The following GPR107 variants were observed in gnomAD, a reference collection of about 807,000 sequenced individuals.
The protein encoded by GPR107 is G protein-coupled receptor 107, also known as protein GPR107.
GPR107 carries 31 observed loss-of-function variants against 75.5 expected under a neutral mutation model. The ratio of observed to expected loss-of-function variants is 0.41; its 90% CI spans 0.31 to 0.55. The LOEUF is 0.55. Among genes scored for constraint, GPR107 ranks in the 20% least tolerant of loss-of-function variants. The pLI is 0.26. For synonymous variants in GPR107, 267 were observed against 251.3 expected (o/e 1.06, Z -0.59); for missense variants, 572 against 665.7 (o/e 0.86, Z 1.55).
intron 7 of GPR107, among the ~76,000 whole-genome samples, 187 bp from the exon 8 acceptor site, chr9:130,090,689 A>G (rs1166488610): frequency 6.6e-6 from 1 of 152,244 alleles, no homozygotes; most frequent in African/African-American, 2.4e-5. Context: ...GAGAGTCGAT[A>G]ATTTAAGCAG....
chr9:130,113,761 A>G (rs1329313240), intron 14 of GPR107, among the ~76,000 whole-genome samples: 3 of 152,164 alleles, frequency 2.0e-5, no homozygotes, highest in Non-Finnish European at 4.4e-5. Context: ...AAGAGTGTGG[A>G]AAGTTCATTG....
chr9:130,121,724 T>C (rs1013825676), intron 14 of GPR107, among the ~76,000 whole-genome samples: 1 of 152,182 alleles, frequency 6.6e-6, no homozygotes, highest in South Asian at 2.1e-4. Context: ...TCCTTTTCCC[T>C]GGTCTGGCTT....
intron 17 of GPR107, among the ~76,000 whole-genome samples, chr9:130,131,911 C>G (rs1260474127): frequency 3.9e-5 from 6 of 152,226 alleles, no homozygotes; most frequent in Non-Finnish European, 7.4e-5. Flanking sequence ...GACAGGGTCT[C>G]ACTCTGTCAC....
At position 130,114,029 on chromosome 9, in the gene GPR107, CTTTTTTT is replaced by C. The variant is rs60616601; in HGVS notation, c.1306+6504_1306+6510del. Among the ~76,000 whole-genome samples the C allele has an allele frequency of 3.3e-5, 3 of 90,660 alleles. 1 individual carries two copies. The highest frequency in any genetic ancestry group is 6.1e-5 in the Non-Finnish European group (3 of 49,110). 59.5% of individuals were successfully genotyped at this position (90,660 alleles called of 152,430 possible). On this transcript the variant is annotated intron_variant, in intron 14 of 17. Transcript: ENST00000347136. ...CAAAAATAATTCTGGTCTTCTCATT[CTTTTTTT>C]TTTTTTTTTTTTTCATTTTTTTTTT...
At chr9:130,086,337 T>C (rs751482072) in intron 6 of GPR107, 83 bp from the exon 7 acceptor site, 20 of 755,422 alleles carry the variant, frequency 2.6e-5, no homozygotes, top group Non-Finnish European at 4.2e-5. Flanking sequence ...AAGAAACATG[T>C]TTTGTTTTGT....
At chr9:130,099,868 CTTTTTTTTTTTTT>C (rs71387314) in intron 10 of GPR107, among the ~76,000 whole-genome samples, 19 of 89,972 alleles carry the variant, frequency 2.1e-4, no homozygotes, top group African/African-American at 6.5e-4. Flanking sequence ...GTTTCCACGA[CTTTTTTTTTTTTT>C]TTTTTTTTTT....
chr9:130,115,628 G>C (rs1831405822), intron 14 of GPR107, among the ~76,000 whole-genome samples: 1 of 151,950 alleles, frequency 6.6e-6, no homozygotes, highest in Non-Finnish European at 1.5e-5. Context: ...TAGCTGGCGT[G>C]GTGGTGGGTG....
chr9:130,053,932 C>G lies in GPR107; in HGVS notation c.-1C>G, dbSNP rs1303164044. The G allele has an allele frequency of 1.3e-6, 2 of 1,557,818 alleles. No individual in the cohort carries two copies. Among genetic ancestry groups the G allele is most frequent in the Non-Finnish European group, 8.7e-7 (1 of 1,152,636 alleles). On this transcript the variant is annotated 5_prime_UTR_variant, in exon 1 of 18. Transcript: ENST00000347136. ...AAGCGGCTGGTGATGCTGGAACAAA[C>G]ATGGCCGCTCTGGCGCCCGTCGGCT...
At chr9:130,116,858 G>A (rs544987254) in intron 14 of GPR107, among the ~76,000 whole-genome samples, 18 of 151,920 alleles carry the variant, frequency 1.2e-4, no homozygotes, top group Non-Finnish European at 1.8e-4. Context: ...ATATAATTTC[G>A]TTTACAATAA....
chr9:130,114,458 T>C (rs1055802223), intron 14 of GPR107: 4 of 267,068 alleles, frequency 1.5e-5, no homozygotes, highest in Non-Finnish European at 7.6e-6. Context: ...TCATAGTTCA[T>C]TGTAACCTCA....
intron 11 of GPR107, 57 bp downstream of exon 11, chr9:130,100,759 G>A (rs973538295): frequency 1.6e-5 from 21 of 1,277,558 alleles, no homozygotes; most frequent in Non-Finnish European, 2.4e-5. Context: ...GACAAGGGGG[G>A]TGGGCAACAA....
chr9:130,057,968 A>G (rs1829834561), intron 1 of GPR107, among the ~76,000 whole-genome samples: 1 of 151,990 alleles, frequency 6.6e-6, no homozygotes, highest in South Asian at 2.1e-4. Flanking sequence ...AGCTGGGATT[A>G]TAGGCATGCG....
intron 14 of GPR107, among the ~76,000 whole-genome samples, chr9:130,113,361 T>G (rs1428118241): frequency 6.6e-6 from 1 of 150,850 alleles, no homozygotes; most frequent in Non-Finnish European, 1.5e-5. Flanking sequence ...GCCTCCTGAG[T>G]AGGTGGGACT....
intron 17 of GPR107, chr9:130,129,762 G>A (rs2132656708): frequency 6.6e-6 from 1 of 152,386 alleles, no homozygotes; most frequent in East Asian, 1.9e-4. Context: ...GCAGCATCAG[G>A]AAATAACCTA....
intron 11 of GPR107, 67 bp from the exon 12 acceptor site, chr9:130,101,039 T>C (rs1259774097): frequency 1.2e-5 from 11 of 904,362 alleles, no homozygotes; most frequent in Non-Finnish European, 1.8e-6. Context: ...GAATGAGCTA[T>C]GCAATCTAAC....
intron 5 of GPR107, 40 bp downstream of exon 5, chr9:130,079,809 C>T (rs887830776): frequency 2.1e-6 from 3 of 1,411,212 alleles, no homozygotes; most frequent in Non-Finnish European, 2.9e-6. Flanking sequence ...GTTTTCACTA[C>T]CTGCTTTGTA....
At chr9:130,070,110 C>T (rs1329592947) in intron 1 of GPR107, among the ~76,000 whole-genome samples, 3 of 149,542 alleles carry the variant, frequency 2.0e-5, no homozygotes, top group African/African-American at 7.4e-5. Flanking sequence ...TGTCCTCCCA[C>T]CTCAGCCTCT....
At chr9:130,084,047 CATAT>C (rs139002438) in intron 6 of GPR107, among the ~76,000 whole-genome samples, 13 of 130,900 alleles carry the variant, frequency 9.9e-5, no homozygotes, top group Non-Finnish European at 1.1e-4. Flanking sequence ...AGAGAGCTAA[CATAT>C]ATATATATAT....
At position 130,056,586 on chromosome 9, in the gene GPR107, A is replaced by G. The variant is rs1424092116; in HGVS notation, c.141+2513A>G. Among the ~76,000 whole-genome samples the G allele has an allele frequency of 1.3e-5, 2 of 152,148 alleles. 1 individual carries two copies. Among genetic ancestry groups the G allele is most frequent in the Non-Finnish European group, 2.9e-5 (2 of 68,024 alleles). Reference sequence around the variant, plus strand: ...AATAGACTAACAGTAACCATAGCTGATAAGCTTTAAAAAATTGCAAAAAAA... The same window carrying G: ...AATAGACTAACAGTAACCATAGCTGGTAAGCTTTAAAAAATTGCAAAAAAA... On this transcript the variant is annotated intron_variant, in intron 1 of 17. Coordinates refer to ENST00000347136, the MANE Select transcript of GPR107 (RefSeq NM_020960.5).
Sources: gnomAD v4.1 joint callset for allele counts (sites outside exome capture counted in the v4.1 genomes callset) on GRCh38, gnomAD v4.1.1 for gene constraint, MANE v1.5 for transcripts, NCBI Gene and HGNC (gene_info 2026-07-23, HGNC 2026-07-21) for gene names.